GPC6: variants seen among roughly 807,000 people sequenced by gnomAD.
The protein encoded by GPC6 is glypican-6.
A neutral mutation model predicts 55.2 loss-of-function variants in GPC6; 14 were observed. The ratio of observed to expected loss-of-function variants is 0.25; its 90% CI spans 0.17 to 0.40. The LOEUF (loss-of-function observed/expected upper bound fraction) is 0.40. GPC6 is among the 10% of genes least tolerant of loss of function. The pLI is 1.00. For missense variants in GPC6, 641 were observed against 708.5 expected (o/e 0.90, Z 1.08); for synonymous variants, 278 against 259.6 (o/e 1.07, Z -0.68).
chr13:94,103,107 A>C (rs568454513), intron 4 of GPC6, among the ~76,000 whole-genome samples: 1 of 152,180 alleles, frequency 6.6e-6, no homozygotes, highest in East Asian at 1.9e-4. Context: ...TCATTGTTCA[A>C]TTCCCACCTA....
intron 2 of GPC6, among the ~76,000 whole-genome samples, chr13:93,804,716 C>T (rs1256009339): frequency 2.0e-5 from 3 of 152,130 alleles, no homozygotes; most frequent in Admixed American, 6.6e-5. Flanking sequence ...TCGCCTATCC[C>T]AAATCAACCA....
intron 2 of GPC6, among the ~76,000 whole-genome samples, chr13:93,728,811 G>A (rs745778114): frequency 3.3e-5 from 5 of 151,872 alleles, no homozygotes; most frequent in African/African-American, 9.7e-5. Context: ...AGGTGTATCC[G>A]CCTACCTCGG....
chr13:94,046,523 T>A (rs1020795086), intron 4 of GPC6, among the ~76,000 whole-genome samples: 3 of 152,050 alleles, frequency 2.0e-5, no homozygotes, highest in African/African-American at 7.2e-5. Flanking sequence ...GAAAATCTAG[T>A]TCCCAAGCAA....
chr13:94,178,042 G>T (rs2138941772), intron 4 of GPC6, among the ~76,000 whole-genome samples: 1 of 80,220 alleles, frequency 1.2e-5, no homozygotes. Context: ...TTTTTGAGAT[G>T]GAGTCTCAGT....
intron 1 of GPC6, among the ~76,000 whole-genome samples, chr13:93,435,472 T>G (rs552118980): frequency 6.6e-6 from 1 of 151,760 alleles, no homozygotes; most frequent in African/African-American, 2.4e-5. Context: ...TTTTTTTTTT[T>G]GTTAATTTGT....
intron 2 of GPC6, among the ~76,000 whole-genome samples, chr13:93,731,873 A>G (rs894244941): frequency 6.6e-6 from 1 of 152,154 alleles, no homozygotes; most frequent in Non-Finnish European, 1.5e-5. Flanking sequence ...AACTAATTTG[A>G]GAAAAAAAAT....
At chr13:93,558,403 T>A (rs1048976863) in intron 2 of GPC6, among the ~76,000 whole-genome samples, 1 of 152,136 alleles carries the variant, frequency 6.6e-6, no homozygotes, top group Non-Finnish European at 1.5e-5. Context: ...GATAAAATCA[T>A]GGAAGAGAAT....
intron 2 of GPC6, among the ~76,000 whole-genome samples, chr13:93,558,451 G>T (rs1594265761): frequency 6.6e-6 from 1 of 152,174 alleles, no homozygotes; most frequent in East Asian, 1.9e-4. Flanking sequence ...AAATGGCTTT[G>T]TGAAAAGACA....
In GPC6 at chr13:93,719,737, T is replaced by C. The variant is rs866863325; in HGVS notation, c.320-110417T>C. ...TTGCATATTTGTCATAAATAGCTCT[T>C]ATTATTTTGAGATACGATCCATTGA... On this transcript the variant is annotated intron_variant, in intron 2 of 8. Transcript: ENST00000377047. Among the ~76,000 whole-genome samples, 65 of 152,228 alleles carry C rather than the reference T, an allele frequency of 4.3e-4. No homozygotes were observed. The Middle Eastern group carries it at 0.02, about 48-fold the overall frequency.
chr13:93,910,264 G>A (rs1376758510), intron 3 of GPC6, among the ~76,000 whole-genome samples: 2 of 152,132 alleles, frequency 1.3e-5, no homozygotes, highest in Non-Finnish European at 2.9e-5. Flanking sequence ...ATAAAGCAGA[G>A]TTTCCCTGCA....
At chr13:94,169,437 C>T (rs1888482882) in intron 4 of GPC6, among the ~76,000 whole-genome samples, 1 of 151,778 alleles carries the variant, frequency 6.6e-6, no homozygotes, top group African/African-American at 2.4e-5. Flanking sequence ...GAAAGATATA[C>T]AAGAGATGGA....
chr13:94,268,498 G>T (rs569584808), intron 4 of GPC6, among the ~76,000 whole-genome samples: 20 of 152,276 alleles, frequency 1.3e-4, no homozygotes, highest in Non-Finnish European at 1.8e-4. Flanking sequence ...ACTGAAAGGT[G>T]TCTTAAGGTT....
chr13:93,832,567 G>A (rs142194168), intron 3 of GPC6, among the ~76,000 whole-genome samples: 29 of 152,118 alleles, frequency 1.9e-4, no homozygotes, highest in African/African-American at 6.5e-4. Flanking sequence ...GCAAGTTTCC[G>A]GTGAGATAAC....
chr13:93,583,368 G>A lies in GPC6; in HGVS notation c.319+37947G>A, dbSNP rs578203450. On this transcript the variant is annotated intron_variant, in intron 2 of 8. Transcript: ENST00000377047. ...TGTGTGTGTGTGCGCGCGCGCGTGC[G>A]TATGTGTGTGTATGACAAACCTGCC... Among the ~76,000 whole-genome samples the A allele has an allele frequency of 6.6e-4, 99 of 150,026 alleles. 1 individual carries two copies. The highest frequency in any genetic ancestry group is 6.8e-3 in the Middle Eastern group (2 of 294).
intron 3 of GPC6, among the ~76,000 whole-genome samples, chr13:93,947,034 C>T (rs1427284494): frequency 6.6e-6 from 1 of 152,140 alleles, no homozygotes; most frequent in African/African-American, 2.4e-5. Context: ...CTTTTTAAGA[C>T]TTGATAGTAA....
chr13:93,702,238 A>C (rs1361187134), intron 2 of GPC6, among the ~76,000 whole-genome samples: 1 of 152,026 alleles, frequency 6.6e-6, no homozygotes, highest in African/African-American at 2.4e-5. Context: ...TCTCCACCAG[A>C]GCTCCTGGGT....
At chr13:93,398,915 A>G (rs1306504494) in intron 1 of GPC6, among the ~76,000 whole-genome samples, 2 of 152,192 alleles carry the variant, frequency 1.3e-5, no homozygotes, top group Non-Finnish European at 2.9e-5. Context: ...CCCACTGGCT[A>G]CTAATGGTAT....
At chr13:94,004,675 T>G (rs1417872831) in intron 3 of GPC6, among the ~76,000 whole-genome samples, 1 of 152,320 alleles carries the variant, frequency 6.6e-6, no homozygotes, top group South Asian at 2.1e-4. Flanking sequence ...ATAGTTTGAC[T>G]TCTTACTATG....
intron 2 of GPC6, among the ~76,000 whole-genome samples, chr13:93,767,063 T>C (rs931753512): frequency 1.3e-5 from 2 of 152,192 alleles, no homozygotes; most frequent in Admixed American, 6.5e-5. Flanking sequence ...AGTGTTGATA[T>C]TGTTTCTTTA....
Sources: allele counts gnomAD v4.1 joint callset (sites outside exome capture counted in the v4.1 genomes callset), GRCh38; gene constraint gnomAD v4.1.1; transcripts MANE v1.5; gene names NCBI Gene and HGNC (gene_info 2026-07-23, HGNC 2026-07-21).